The following DIAPH2 variants were observed in gnomAD, a reference collection of about 807,000 sequenced individuals.
The protein encoded by DIAPH2 is protein diaphanous homolog 2.
A neutral mutation model predicts 92.7 loss-of-function variants in DIAPH2; 35 were observed. The ratio of observed to expected loss-of-function variants is 0.38; its 90% CI spans 0.29 to 0.50. DIAPH2 has a LOEUF of 0.50. DIAPH2 is among the 20% of genes least tolerant of loss of function. The pLI is 0.94. For synonymous variants in DIAPH2, 301 were observed against 280.4 expected (o/e 1.07, Z -0.73); for missense variants, 701 against 819.5 (o/e 0.86, Z 1.77).
chrX:97,185,488 T>TACAC (rs2067593535), intron 22 of DIAPH2, among the ~76,000 whole-genome samples: 2 of 37,553 alleles, frequency 5.3e-5, no homozygotes, highest in East Asian at 9.7e-4. Flanking sequence ...TATATATATA[T>TACAC]ATATATATAT....
intron 21 of DIAPH2, among the ~76,000 whole-genome samples, chrX:97,116,282 C>T (rs1233978975): frequency 8.9e-6 from 1 of 111,733 alleles, no homozygotes; most frequent in Non-Finnish European, 1.9e-5. Flanking sequence ...TTGTGAACAT[C>T]TGTTTACTCC....
chrX:96,830,546 G>T (rs2064846195), intron 4 of DIAPH2, among the ~76,000 whole-genome samples: 1 of 93,932 alleles, frequency 1.1e-5, no homozygotes, highest in South Asian at 5.7e-4. Context: ...ACTCTAGCCT[G>T]GGCGACAGAG....
At chrX:97,459,661 A>G (rs2070441784) in intron 26 of DIAPH2, among the ~76,000 whole-genome samples, 2 of 112,134 alleles carry the variant, frequency 1.8e-5, no homozygotes, top group Non-Finnish European at 3.8e-5. Context: ...CATAATCCTC[A>G]TATCAATCCT....
chrX:96,685,309 C>T, intron 1 of DIAPH2, 119 bp downstream of exon 1: 1 of 824,110 alleles, frequency 1.2e-6, no homozygotes, highest in Middle Eastern at 4.3e-4. Context: ...CCTCGCTGTG[C>T]AACTCGGGGA....
At chrX:97,113,480 G>A (rs959412482) in intron 20 of DIAPH2, among the ~76,000 whole-genome samples, 3 of 112,052 alleles carry the variant, frequency 2.7e-5, no homozygotes, top group Non-Finnish European at 5.6e-5. Flanking sequence ...TACAGTAACA[G>A]GTAGATATTT....
chrX:97,391,538 G>A (rs939471763), intron 25 of DIAPH2, among the ~76,000 whole-genome samples: 2 of 111,542 alleles, frequency 1.8e-5, no homozygotes, highest in African/African-American at 6.5e-5. Context: ...GATCTTACCT[G>A]TAACAAAAGT....
chrX:96,965,985 T>C (rs1490687059), intron 17 of DIAPH2, among the ~76,000 whole-genome samples: 4 of 112,043 alleles, frequency 3.6e-5, no homozygotes, highest in African/African-American at 6.5e-5. Context: ...AAATAATCCA[T>C]ACTCTCATGC....
Position 97,106,542 on chromosome X carries a change from C to T in DIAPH2, c.2349+6747C>T, listed in dbSNP as rs150121193. On this transcript the variant is annotated intron_variant, in intron 20 of 26. Transcript: ENST00000324765. ...GGTCAGTAGGTGTCAATTAATTTTG[C>T]TATTGATTGGTTTTCATTAAATTTT... 3.3e-3 allele frequency among the ~76,000 whole-genome samples: 365 copies of T among 111,854 alleles called. 1 individual carries two copies. Among genetic ancestry groups the T allele is most frequent in the African/African-American group, 0.011 (354 of 30,850 alleles).
At chrX:96,994,446 G>A (rs1306792250) in intron 17 of DIAPH2, among the ~76,000 whole-genome samples, 3 of 111,769 alleles carry the variant, frequency 2.7e-5, no homozygotes, top group African/African-American at 9.8e-5. Flanking sequence ...AGTGGCTATA[G>A]GCTACTGTCT....
chrX:97,564,895 A>G (rs1048607178), intron 26 of DIAPH2, among the ~76,000 whole-genome samples: 1 of 112,170 alleles, frequency 8.9e-6, no homozygotes, highest in Non-Finnish European at 1.9e-5. Flanking sequence ...CATCCTTTCT[A>G]CAAAGCATCC....
intron 3 of DIAPH2, among the ~76,000 whole-genome samples, chrX:96,742,951 A>G (rs1717053126): frequency 8.9e-6 from 1 of 112,454 alleles, no homozygotes; most frequent in Non-Finnish European, 1.9e-5. Flanking sequence ...GGCATGAGCC[A>G]CTGTGCCCAG....
intron 21 of DIAPH2, among the ~76,000 whole-genome samples, chrX:97,119,982 A>G (rs1389887475): frequency 1.8e-5 from 2 of 111,869 alleles, no homozygotes; most frequent in Non-Finnish European, 1.9e-5. Context: ...CGAGCTGTGA[A>G]AGAAAAGGGC....
At chrX:96,837,425 CTCTCTCTCTGTGTGTG>C (rs1445707790) in intron 4 of DIAPH2, among the ~76,000 whole-genome samples, 8 of 81,552 alleles carry the variant, frequency 9.8e-5, no homozygotes, top group African/African-American at 3.5e-4. Flanking sequence ...CTCTCTCTCT[CTCTCTCTCTGTGTGTG>C]TGTGTGTGTG....
chrX:97,005,089 T>C (rs1351238731), intron 17 of DIAPH2, among the ~76,000 whole-genome samples: 1 of 112,163 alleles, frequency 8.9e-6, no homozygotes, highest in Non-Finnish European at 1.9e-5. Context: ...TCTGTTGATA[T>C]GTTACATCAC....
chrX:96,874,209 C>G (rs998431870), intron 4 of DIAPH2, among the ~76,000 whole-genome samples: 5 of 111,647 alleles, frequency 4.5e-5, no homozygotes, highest in African/African-American at 1.6e-4. Context: ...AATTCACATA[C>G]CCCCTAAATT....
rs940831379 is a variant in DIAPH2 at position 96,912,296 on chromosome X, C to T, written c.588-32C>T. The T allele has an allele frequency of 8.3e-6, 9 of 1,078,448 alleles. No homozygotes were observed. The Admixed American group carries it at 1.0e-4, about 12-fold the overall frequency. 88.9% of individuals were successfully genotyped at this position (1,078,448 alleles called of 1,213,427 possible). On this transcript the variant is annotated intron_variant, in intron 5 of 26. Transcript: ENST00000324765. ...TTAATGTTTTAAAATTACTAACTTA[C>T]TTATACATCTAATTTTTTGTTTATT...
intron 1 of DIAPH2, among the ~76,000 whole-genome samples, chrX:96,695,933 A>T (rs774853172): frequency 1.2e-4 from 13 of 112,473 alleles, no homozygotes; most frequent in East Asian, 2.8e-4. Flanking sequence ...TCAAAACTTC[A>T]TTTTGATCTT....
intron 4 of DIAPH2, among the ~76,000 whole-genome samples, chrX:96,779,274 G>C (rs2064399375): frequency 9.0e-6 from 1 of 111,725 alleles, no homozygotes; most frequent in African/African-American, 3.2e-5. Context: ...CTTATTGATA[G>C]AAACTCTATA....
At chrX:97,369,540 CTTTT>C (rs1011786343) in intron 24 of DIAPH2, among the ~76,000 whole-genome samples, 4 of 99,419 alleles carry the variant, frequency 4.0e-5, no homozygotes, top group Non-Finnish European at 8.5e-5. Flanking sequence ...ATCAGTGCTC[CTTTT>C]TTTGTTTGTG....
Sources: gnomAD v4.1 joint callset for allele counts (sites outside exome capture counted in the v4.1 genomes callset) on GRCh38, gnomAD v4.1.1 for gene constraint, MANE v1.5 for transcripts, NCBI Gene and HGNC (gene_info 2026-07-23, HGNC 2026-07-21) for gene names.